Variants in PRDM1 observed in about 807,000 individuals in gnomAD.
The protein encoded by PRDM1 is PR domain zinc finger protein 1.
PRDM1 carries 13 observed loss-of-function variants against 62.8 expected under a neutral mutation model. The ratio of observed to expected loss-of-function variants is 0.21; its 90% CI spans 0.13 to 0.33. The LOEUF (loss-of-function observed/expected upper bound fraction) is 0.33, where lower values mean the gene tolerates loss of function less well. Ranked by LOEUF, PRDM1 falls within the 10% of genes least tolerant of loss-of-function variation. The pLI is 1.00. For missense variants in PRDM1, 895 were observed against 1,058.8 expected, an observed-to-expected ratio of 0.85 and a Z score of 2.15; for synonymous variants, 396 against 417.6, an observed-to-expected ratio of 0.95 and a Z score of 0.63.
At chr6:106,103,658 T>C (rs1774341791) in intron 4 of PRDM1, among the ~76,000 whole-genome samples, 1 of 152,214 alleles carries the variant, frequency 6.6e-6, no homozygotes, top group Admixed American at 6.5e-5. Flanking sequence ...ATTTATTGTG[T>C]AGCGAGGAGA....
At chr6:106,034,635 C>CT (rs1554200511) in intron 1 of PRDM1, among the ~76,000 whole-genome samples, 76 of 88,416 alleles carry the variant, frequency 8.6e-4, no homozygotes, top group African/African-American at 1.7e-3. Context: ...TGTTCTCTCT[C>CT]TTTTTTTTTT....
Position 106,088,381 on chromosome 6 carries a change from A to T in PRDM1, c.223A>T (p.Thr75Ser). The T allele has an allele frequency of 6.2e-7, 1 of 1,614,186 alleles. No homozygotes were observed. Among genetic ancestry groups the T allele is most frequent in the Non-Finnish European group, 8.5e-7 (1 of 1,180,024 alleles). The change falls in exon 2 of 7, where the codon ACT becomes TCT. Residue 75 changes from threonine to serine, a missense_variant. Physicochemically the swap from Thr to Ser is moderately conservative, Grantham distance 58 (BLOSUM62 1). Coordinates refer to ENST00000369096, the MANE Select transcript of PRDM1 (RefSeq NM_001198.4). ...CTGGGATTCTGGTGCTGATGGCGGT[A>T]CTTCGGTTCAGGCGGAGGCATCCTT... The part of the protein sequence containing the change: ...HPWDSGADGG[T>S]SVQAEASLPR...
upstream of PRDM1, among the ~76,000 whole-genome samples, chr6:106,083,103 G>A (rs913626556): frequency 2.0e-5 from 3 of 151,878 alleles, no homozygotes; most frequent in Non-Finnish European, 4.4e-5. Flanking sequence ...GAGACATGTG[G>A]GAGGGCTTCA....
upstream of PRDM1, among the ~76,000 whole-genome samples, chr6:106,084,887 T>C (rs1401417015): frequency 6.6e-6 from 1 of 152,174 alleles, no homozygotes; most frequent in African/African-American, 2.4e-5. Flanking sequence ...GCAGCGAGTG[T>C]GTGCTAATCA....
At chr6:105,999,791 C>T (rs774751554) in intron 1 of PRDM1, among the ~76,000 whole-genome samples, 5 of 152,156 alleles carry the variant, frequency 3.3e-5, no homozygotes, top group Non-Finnish European at 7.4e-5. Flanking sequence ...CAACTTAAAT[C>T]CAAGAATTTC....
intron 1 of PRDM1, among the ~76,000 whole-genome samples, chr6:106,016,188 T>G (rs1056155489): frequency 3.9e-5 from 6 of 152,214 alleles, no homozygotes; most frequent in Non-Finnish European, 8.8e-5. Context: ...AATATCCCAT[T>G]GTGTGTATGG....
upstream of PRDM1, among the ~76,000 whole-genome samples, chr6:106,084,955 T>C (rs1191802170): frequency 6.6e-6 from 1 of 152,176 alleles, no homozygotes; most frequent in South Asian, 2.1e-4. Context: ...AGCAAGACTT[T>C]AGACACCATT....
rs897105112 is a variant in PRDM1, at chr6:105,994,593, G to C, written c.-67+954G>C. Reference sequence around the variant, plus strand: ...ATTTGGACGAGGTGAGGAGAACTAGGGTCCTAACAGCAGGTCCAGAGGACT... The same window carrying C: ...ATTTGGACGAGGTGAGGAGAACTAGCGTCCTAACAGCAGGTCCAGAGGACT... On this transcript the variant is annotated intron_variant, in intron 1 of 6. Transcript: ENST00000652320. This position sits in a 1 kb window ranked among gnomAD's most constrained non-coding sequence, Gnocchi z 4.1. Among the ~76,000 whole-genome samples, 1 of 152,166 alleles carries C rather than the reference G, an allele frequency of 6.6e-6. No individual in the cohort carries two copies. The highest frequency in any genetic ancestry group is 2.4e-5 in the African/African-American group (1 of 41,442).
At chr6:105,992,917 C>T (rs888829125), upstream of PRDM1, among the ~76,000 whole-genome samples, 2 of 152,204 alleles carry the variant, frequency 1.3e-5, no homozygotes, top group Admixed American at 6.5e-5. Context: ...GATAGGGCCT[C>T]AGTTCTCTCT....
At chr6:105,995,734 T>TTA (rs1554198739) in intron 1 of PRDM1, among the ~76,000 whole-genome samples, 7 of 152,158 alleles carry the variant, frequency 4.6e-5, no homozygotes, top group Non-Finnish European at 7.4e-5. Context: ...TTTTTTTTTT[T>TTA]AATCAGTCAG....
At chr6:106,061,145 G>T (rs922578781) in intron 1 of PRDM1, among the ~76,000 whole-genome samples, 1 of 151,826 alleles carries the variant, frequency 6.6e-6, no homozygotes, top group Admixed American at 6.6e-5. Context: ...CCACTGATCC[G>T]GACTGAGTGC....
At chr6:106,010,996 A>T (rs1269383615) in intron 1 of PRDM1, among the ~76,000 whole-genome samples, 1 of 152,168 alleles carries the variant, frequency 6.6e-6, no homozygotes, top group Non-Finnish European at 1.5e-5. Context: ...ACTGAGTAGC[A>T]GCAGGACCAG....
At chr6:106,073,101 T>C (rs1270837327) in intron 1 of PRDM1, among the ~76,000 whole-genome samples, 3 of 141,462 alleles carry the variant, frequency 2.1e-5, no homozygotes, top group Non-Finnish European at 4.8e-5. Flanking sequence ...CAATTTCCTC[T>C]TTTCTTTTTT....
chr6:106,077,552 G>T (rs1311653853), intron 1 of PRDM1, among the ~76,000 whole-genome samples: 2 of 152,178 alleles, frequency 1.3e-5, no homozygotes, highest in Admixed American at 6.5e-5. Flanking sequence ...AATAAACCAG[G>T]ACTGCATGTG....
At position 106,079,257 on chromosome 6, in the gene PRDM1, G is replaced by A. The variant is rs1012668683; in HGVS notation, c.-66-8944G>A. Among the ~76,000 whole-genome samples, 37 of 151,892 alleles carry A rather than the reference G, an allele frequency of 2.4e-4. 1 individual carries two copies. The highest frequency in any genetic ancestry group is 2.4e-3 in the Admixed American group (36 of 15,260). ...TGGGATTACAGGGGTGAGCCACCGC[G>A]CCTGGTCTATTATTTTTAACATTTA... is the stretch of plus-strand genomic sequence containing the variant. On this transcript the variant is annotated intron_variant, in intron 1 of 6. Coordinates refer to the PRDM1 transcript ENST00000651185.
chr6:106,080,426 C>T (rs2114608679), intron 1 of PRDM1, among the ~76,000 whole-genome samples: 1 of 152,286 alleles, frequency 6.6e-6, no homozygotes, highest in African/African-American at 2.4e-5. Context: ...CAGCCCCCAG[C>T]ATCCTTCCTT....
At chr6:106,044,208 T>G (rs1322533559), upstream of PRDM1, among the ~76,000 whole-genome samples, 1 of 151,282 alleles carries the variant, frequency 6.6e-6, no homozygotes, top group Non-Finnish European at 1.5e-5. Context: ...TTTTTTTTTT[T>G]TTCTGTTCCT....
chr6:106,043,267 T>C (rs1472899058), intron 1 of PRDM1, among the ~76,000 whole-genome samples: 13 of 152,212 alleles, frequency 8.5e-5, no homozygotes, highest in Admixed American at 7.8e-4. Flanking sequence ...ATTGCCATAA[T>C]TGGTATTTAT....
chr6:106,042,757 C>T (rs896007202), intron 1 of PRDM1, among the ~76,000 whole-genome samples: 4 of 152,138 alleles, frequency 2.6e-5, no homozygotes, highest in African/African-American at 9.7e-5. Flanking sequence ...CTAGAACTCA[C>T]GGAGTTCTTC....
Sources: gnomAD v4.1 joint callset for allele counts (sites outside exome capture counted in the v4.1 genomes callset) on GRCh38, gnomAD v4.1.1 for gene constraint, Gnocchi (gnomAD v3.1) non-coding constraint, MANE v1.5 for transcripts, NCBI Gene and HGNC (gene_info 2026-07-23, HGNC 2026-07-21) for gene names.